PXDNL: variants seen among roughly 807,000 people sequenced by gnomAD.
PXDNL encodes the protein peroxidasin like, also known as probable oxidoreductase PXDNL.
In PXDNL, 145 loss-of-function variants were observed where a neutral mutation model predicts 150.8. The observed-to-expected ratio is 0.96, with a 90% CI of 0.84 to 1.10. The LOEUF is 1.10. Among genes scored for constraint, PXDNL ranks in the 50% least tolerant of loss-of-function variants. PXDNL has a pLI of 0.00. For synonymous variants in PXDNL, 757 were observed against 725.7 expected (o/e 1.04, Z -0.69); for missense variants, 2,087 against 1,873.9 (o/e 1.11, Z -2.10).
chr8:51,644,737 G>A (rs1452159728), intron 2 of PXDNL, among the ~76,000 whole-genome samples: 3 of 151,730 alleles, frequency 2.0e-5, no homozygotes, highest in Non-Finnish European at 2.9e-5. Flanking sequence ...GATTACAGGT[G>A]TGAGTCACCG....
At chr8:51,449,233 A>G in intron 10 of PXDNL, 115 bp from the exon 11 acceptor site, 1 of 638,570 alleles carries the variant, frequency 1.6e-6, no homozygotes, top group Non-Finnish European at 2.8e-6. Context: ...GTTTACAATT[A>G]TATATAAACA....
At position 51,624,564 on chromosome 8, in the gene PXDNL, A is replaced by G. The variant is rs528188940; in HGVS notation, c.236+30125T>C. 2.0e-5 allele frequency among the ~76,000 whole-genome samples: 3 copies of G among 151,744 alleles called. No homozygotes were observed. In the East Asian group the frequency reaches 5.8e-4, roughly 29 times the overall value. ...ATAATATTTTCTAAAACAAACTATA[A>G]CTCACTATAAATAATCACAAATATA... On this transcript the variant is annotated intron_variant, in intron 2 of 22. Coordinates refer to ENST00000356297, the MANE Select transcript of PXDNL (RefSeq NM_144651.5).
intron 5 of PXDNL, among the ~76,000 whole-genome samples, chr8:51,486,775 TATATATATATA>T (rs1810755758): frequency 4.0e-4 from 4 of 10,010 alleles, no homozygotes; most frequent in Non-Finnish European, 9.0e-4. Context: ...TATATATATA[TATATATATATA>T]TATATATATT....
At chr8:51,511,776 G>A (rs575723456) in intron 4 of PXDNL, among the ~76,000 whole-genome samples, 198 of 152,192 alleles carry the variant, frequency 1.3e-3, no homozygotes, top group Admixed American at 4.0e-3. Flanking sequence ...GGGGATAAAC[G>A]CCCAGGATGA....
At chr8:51,442,327 T>C (rs991947876) in intron 12 of PXDNL, among the ~76,000 whole-genome samples, 9 of 150,210 alleles carry the variant, frequency 6.0e-5, no homozygotes, top group African/African-American at 2.2e-4. Context: ...TTCTGGTTCT[T>C]TTTCAGAATT....
At chr8:51,633,620 G>A (rs749419430) in intron 2 of PXDNL, among the ~76,000 whole-genome samples, 4 of 152,036 alleles carry the variant, frequency 2.6e-5, no homozygotes, top group Non-Finnish European at 5.9e-5. Context: ...CTGCATTCTA[G>A]CCTGTGTGAC....
intron 2 of PXDNL, among the ~76,000 whole-genome samples, chr8:51,606,705 T>C (rs1585615545): frequency 6.6e-6 from 1 of 152,032 alleles, no homozygotes; most frequent in East Asian, 1.9e-4. Context: ...TTTTATGATA[T>C]ATCTTTATCT....
At chr8:51,705,828 TGTGTGCGC>T (rs1473375238) in intron 1 of PXDNL, among the ~76,000 whole-genome samples, 3 of 57,728 alleles carry the variant, frequency 5.2e-5, no homozygotes, top group East Asian at 1.3e-3. Flanking sequence ...TGTGTGTGTG[TGTGTGCGC>T]GCGCGCGCGC....
chr8:51,709,927 T>G (rs1238676761), intron 1 of PXDNL, among the ~76,000 whole-genome samples: 1 of 152,220 alleles, frequency 6.6e-6, no homozygotes, highest in Non-Finnish European at 1.5e-5. Flanking sequence ...TAGTCCAGAA[T>G]GATAGACTCT....
At chr8:51,376,270 G>A (rs1807307292) in intron 17 of PXDNL, among the ~76,000 whole-genome samples, 1 of 152,302 alleles carries the variant, frequency 6.6e-6, no homozygotes, top group South Asian at 2.1e-4. Context: ...GCCTGGAACA[G>A]ACAGGCATAT....
At chr8:51,637,861 A>C (rs9886446) in intron 2 of PXDNL, among the ~76,000 whole-genome samples, 51 of 152,272 alleles carry the variant, frequency 3.3e-4, no homozygotes, top group African/African-American at 1.2e-3. Context: ...CGCCACAAAG[A>C]TACTCCTCAA....
At chr8:51,380,460 T>C (rs1807497965) in intron 17 of PXDNL, among the ~76,000 whole-genome samples, 1 of 152,214 alleles carries the variant, frequency 6.6e-6, no homozygotes, top group Non-Finnish European at 1.5e-5. Flanking sequence ...AGAATGTTCG[T>C]TGTCTCCACT....
At chr8:51,689,309 T>G (rs1815939886) in intron 1 of PXDNL, among the ~76,000 whole-genome samples, 1 of 139,376 alleles carries the variant, frequency 7.2e-6, no homozygotes, top group Non-Finnish European at 1.5e-5. Context: ...ATGGGCCATC[T>G]CAGACATCCA....
At chr8:51,471,888 G>A (rs186477806) in intron 8 of PXDNL, among the ~76,000 whole-genome samples, 2 of 151,856 alleles carry the variant, frequency 1.3e-5, no homozygotes, top group South Asian at 2.1e-4. Flanking sequence ...GGGTTTCACC[G>A]TGTTAGCCAG....
chr8:51,408,281 A>G lies in PXDNL; in HGVS notation c.3343T>C (p.Ser1115Pro). Residue 1115 changes from serine (S) to proline (P), a missense_variant, in exon 17 of 23, where the codon TCC (serine) becomes CCC (proline). Ser to Pro is a moderately conservative substitution (Grantham distance 74, BLOSUM62 -1). Coordinates refer to ENST00000356297, the MANE Select transcript of PXDNL (RefSeq NM_144651.5). ...FGVAAKWRAPSYLLSPELTQR... is the reference protein window; with the variant it reads ...FGVAAKWRAPPYLLSPELTQR... The stretch of plus-strand genomic sequence containing the variant: ...GTCAGCTCAGGACTGAGAAGGTAGG[A>G]GGGTGCCCGCCATTTAGCAGCCACG... The G allele has an allele frequency of 6.2e-7, 1 of 1,613,974 alleles. No individual in the cohort carries two copies.
At chr8:51,365,783 A>G (rs1806897118) in intron 19 of PXDNL, among the ~76,000 whole-genome samples, 1 of 152,208 alleles carries the variant, frequency 6.6e-6, no homozygotes, top group African/African-American at 2.4e-5. Flanking sequence ...ATGCTCACCT[A>G]AGTGAGAACC....
intron 3 of PXDNL, among the ~76,000 whole-genome samples, chr8:51,591,403 G>A (rs1208805909): frequency 1.3e-5 from 2 of 152,122 alleles, no homozygotes; most frequent in Admixed American, 1.3e-4. Flanking sequence ...TCTATGTTAG[G>A]CTGAGGTGTC....
chr8:51,766,101 C>T (rs1377846526), intron 1 of PXDNL, among the ~76,000 whole-genome samples: 2 of 152,168 alleles, frequency 1.3e-5, no homozygotes, highest in Non-Finnish European at 2.9e-5. Context: ...TCCCAAAGTG[C>T]TGGGATGACA....
chr8:51,620,649 T>A (rs1453838230), intron 2 of PXDNL, among the ~76,000 whole-genome samples: 1 of 151,960 alleles, frequency 6.6e-6, no homozygotes, highest in Non-Finnish European at 1.5e-5. Context: ...GTTCAAGCAA[T>A]TCTCCTGTCT....
Sources: gnomAD v4.1 joint callset for allele counts (sites outside exome capture counted in the v4.1 genomes callset) on GRCh38, gnomAD v4.1.1 for gene constraint, MANE v1.5 for transcripts, NCBI Gene and HGNC (gene_info 2026-07-23, HGNC 2026-07-21) for gene names.